The following ZNF44 variants were observed in gnomAD, a reference collection of about 807,000 sequenced individuals.
ZNF44 encodes gonadotropin inducible transcription repressor-2.
A neutral mutation model predicts 11.7 loss-of-function variants in ZNF44; 9 were observed. The observed-to-expected ratio is 0.77, with a 90% CI of 0.46 to 1.35. ZNF44 has a LOEUF of 1.35. Ranked by LOEUF, ZNF44 falls within the 40% of genes most tolerant of loss-of-function variation. The pLI is 0.00. For missense variants in ZNF44, 696 were observed against 743.1 expected, an observed-to-expected ratio of 0.94 and a Z score of 0.74; for synonymous variants, 224 against 242.7, an observed-to-expected ratio of 0.92 and a Z score of 0.72.
intron 1 of ZNF44, chr19:12,237,009 C>A (rs1034553089): frequency 1.3e-5 from 2 of 152,258 alleles, no homozygotes; most frequent in African/African-American, 4.8e-5. Context: ...CCCCAAAGAA[C>A]AAGCCATGGT....
intron 1 of ZNF44, among the ~76,000 whole-genome samples, chr19:12,291,480 A>T (rs1474541586): frequency 2.0e-5 from 3 of 152,184 alleles, no homozygotes; most frequent in African/African-American, 7.2e-5. Flanking sequence ...AAAAGTAAAT[A>T]AAAGTTTTTT....
intron 5 of ZNF44, among the ~76,000 whole-genome samples, chr19:12,266,036 G>A (rs989340316): frequency 1.3e-5 from 2 of 152,212 alleles, no homozygotes; most frequent in Admixed American, 1.3e-4. Context: ...GAGCTGCCCA[G>A]AGAGGGCTCT....
intron 3 of ZNF44, among the ~76,000 whole-genome samples, chr19:12,274,730 C>T (rs1008018808): frequency 1.4e-4 from 21 of 152,144 alleles, no homozygotes; most frequent in African/African-American, 5.1e-4. Flanking sequence ...CTACCACACC[C>T]AGCCTCATAT....
chr19:12,288,753 G>A (rs1384083188), intron 1 of ZNF44, among the ~76,000 whole-genome samples: 4 of 74,012 alleles, frequency 5.4e-5, no homozygotes, highest in South Asian at 3.7e-4. Context: ...GTGAGACTCC[G>A]TCTCAAAAAA....
chr19:12,282,140 T>C lies in ZNF44; in HGVS notation c.4-6058A>G, dbSNP rs531709995. On this transcript the variant is annotated intron_variant, in intron 1 of 3. Transcript: ENST00000355684. ...ATCTTCAAACCAGGTAGCAGGCCCTTACCAGAGGCCTCATCTGCTTGATAT... is the reference window on the plus strand; with the variant it reads ...ATCTTCAAACCAGGTAGCAGGCCCTCACCAGAGGCCTCATCTGCTTGATAT... Among the ~76,000 whole-genome samples the C allele has an allele frequency of 2.6e-5, 4 of 152,328 alleles. No individual in the cohort carries two copies. In the South Asian group the frequency reaches 6.2e-4, roughly 24 times the overall value.
chr19:12,251,045 G>C (rs1403839303), intron 5 of ZNF44, among the ~76,000 whole-genome samples: 1 of 151,938 alleles, frequency 6.6e-6, no homozygotes, highest in Non-Finnish European at 1.5e-5. Context: ...GGGCAACATG[G>C]TGAAACCCTG....
chr19:12,292,128 AG>A (rs2145774428), intron 1 of ZNF44, among the ~76,000 whole-genome samples: 1 of 152,264 alleles, frequency 6.6e-6, no homozygotes, highest in South Asian at 2.1e-4. Context: ...CGGGACTTCA[AG>A]ACCAGCCTGG....
intron 1 of ZNF44, among the ~76,000 whole-genome samples, chr19:12,279,927 G>T (rs1967398017): frequency 6.7e-6 from 1 of 149,696 alleles, no homozygotes; most frequent in African/African-American, 2.5e-5. Context: ...CAGATTGTGT[G>T]TGTGTGTGTG....
chr19:12,277,024 C>A (rs1034890983), intron 1 of ZNF44, among the ~76,000 whole-genome samples: 8 of 152,132 alleles, frequency 5.3e-5, no homozygotes, highest in Admixed American at 2.0e-4. Flanking sequence ...AATATCATTT[C>A]TTATAGATTA....
At chr19:12,233,550 CAAAAA>C (rs58060175) in intron 2 of ZNF44, among the ~76,000 whole-genome samples, 10 of 80,852 alleles carry the variant, frequency 1.2e-4, no homozygotes, top group Non-Finnish European at 1.8e-4. Context: ...ACCCATACAT[CAAAAA>C]AAAAAAAAAA....
chr19:12,237,552 G>C (rs1267280368), exon 1 of ZNF44: 6 of 153,790 alleles, frequency 3.9e-5, no homozygotes, highest in Admixed American at 2.6e-4. Context: ...TCGGCCTCTG[G>C]AAGGCTGAAT....
At chr19:12,274,826 T>A in intron 3 of ZNF44, 147 bp downstream of exon 3, 1 of 534,040 alleles carries the variant, frequency 1.9e-6, no homozygotes, top group South Asian at 2.9e-5. Flanking sequence ...TATGTCACAT[T>A]TAATAATATA....
chr19:12,248,363 G>A (rs1188561331), exon 8 of ZNF44: 3 of 1,291,878 alleles, frequency 2.3e-6, no homozygotes, highest in Admixed American at 4.6e-5. Context: ...CCTTACATTT[G>A]TAGACTATCC....
chr19:12,294,336 C>T (rs1488755337), intron 1 of ZNF44, among the ~76,000 whole-genome samples: 2 of 152,232 alleles, frequency 1.3e-5, no homozygotes, highest in Non-Finnish European at 2.9e-5. Context: ...TCCTATTAAA[C>T]CGTTTCTGCT....
chr19:12,242,046 A>T (rs144887850), upstream of ZNF44, among the ~76,000 whole-genome samples: 1 of 152,260 alleles, frequency 6.6e-6, no homozygotes, highest in Non-Finnish European at 1.5e-5. Context: ...TGGGGATGGG[A>T]GGAATAGGGA....
At chr19:12,238,038 G>C (rs894496220), upstream of ZNF44, 6 of 152,256 alleles carry the variant, frequency 3.9e-5, no homozygotes, top group Non-Finnish European at 7.3e-5. Flanking sequence ...ATGTCTTCCA[G>C]GGATCAGGAA....
chr19:12,262,351 A>C (rs982524209), intron 5 of ZNF44, among the ~76,000 whole-genome samples: 7 of 151,938 alleles, frequency 4.6e-5, no homozygotes, highest in Non-Finnish European at 1.0e-4. Context: ...GCTCACTGCA[A>C]CCTCCGTCTC....
At chr19:12,265,920 C>G (rs1365282106) in intron 5 of ZNF44, among the ~76,000 whole-genome samples, 2 of 152,358 alleles carry the variant, frequency 1.3e-5, no homozygotes, top group East Asian at 1.9e-4. Context: ...CATTCTAGAA[C>G]CTGGTGCACG....
At chr19:12,259,501 A>C (rs889226818) in intron 5 of ZNF44, among the ~76,000 whole-genome samples, 2 of 152,140 alleles carry the variant, frequency 1.3e-5, no homozygotes, top group African/African-American at 4.8e-5. Context: ...TACATTTCCA[A>C]CTGGGTCAAA....
Sources: gnomAD v4.1 joint callset for allele counts (sites outside exome capture counted in the v4.1 genomes callset) on GRCh38, gnomAD v4.1.1 for gene constraint, MANE v1.5 for transcripts, NCBI Gene and HGNC (gene_info 2026-07-23, HGNC 2026-07-21) for gene names.